RXFP1: variants seen among roughly 807,000 people sequenced by gnomAD.
RXFP1 encodes the protein relaxin family peptide receptor 1.
Under a neutral mutation model 89.8 loss-of-function variants are expected in RXFP1, and 73 were observed. The observed-to-expected ratio is 0.81, with a 90% CI of 0.67 to 0.99. The LOEUF (loss-of-function observed/expected upper bound fraction) is 0.99, where lower values mean the gene tolerates loss of function less well. Ranked by LOEUF, RXFP1 falls within the 50% of genes least tolerant of loss-of-function variation. The pLI is 0.00. For synonymous variants in RXFP1, 277 were observed against 305.5 expected (o/e 0.91, Z 0.97); for missense variants, 793 against 895.5 (o/e 0.89, Z 1.46).
chr4:158,588,833 A>G (rs1354990995), intron 2 of RXFP1, among the ~76,000 whole-genome samples: 1 of 152,158 alleles, frequency 6.6e-6, no homozygotes, highest in Non-Finnish European at 1.5e-5. Flanking sequence ...ATTTGTATGC[A>G]TTTGCTCCTC....
At chr4:158,535,771 C>T (rs545074774) in intron 1 of RXFP1, among the ~76,000 whole-genome samples, 4 of 152,292 alleles carry the variant, frequency 2.6e-5, no homozygotes, top group East Asian at 3.9e-4. Flanking sequence ...GTGATAGGAC[C>T]GGCCTTTTTG....
At chr4:158,601,951 A>G (rs1402601732) in intron 4 of RXFP1, among the ~76,000 whole-genome samples, 2 of 152,224 alleles carry the variant, frequency 1.3e-5, no homozygotes, top group Admixed American at 6.5e-5. Context: ...CTAGAACTAT[A>G]TGATCTAATA....
intron 13 of RXFP1, among the ~76,000 whole-genome samples, chr4:158,638,873 A>G (rs1473875625): frequency 6.6e-6 from 1 of 151,966 alleles, no homozygotes; most frequent in Non-Finnish European, 1.5e-5. Context: ...CAGTAAAATG[A>G]CATTTTATTA....
At chr4:158,646,322 A>G in intron 15 of RXFP1, 3 of 470,754 alleles carry the variant, frequency 6.4e-6, no homozygotes, top group South Asian at 4.6e-5. Context: ...TTCAGTCATT[A>G]TTCTATCATA....
intron 1 of RXFP1, among the ~76,000 whole-genome samples, chr4:158,567,834 G>C (rs1375638959): frequency 1.3e-5 from 2 of 152,168 alleles, no homozygotes; most frequent in African/African-American, 4.8e-5. Context: ...GATGTGGGTG[G>C]GGCCAGATAA....
chr4:158,597,789 T>C (rs937421906), intron 3 of RXFP1, among the ~76,000 whole-genome samples: 5 of 152,150 alleles, frequency 3.3e-5, no homozygotes, highest in African/African-American at 1.2e-4. Flanking sequence ...GGACCTTTCT[T>C]CCTTCCCAAC....
At chr4:158,543,121 C>G (rs553045439) in intron 1 of RXFP1, among the ~76,000 whole-genome samples, 33 of 152,290 alleles carry the variant, frequency 2.2e-4, no homozygotes, top group African/African-American at 7.5e-4. Flanking sequence ...AAGTTTAACA[C>G]ACACACACCT....
rs1253604355 is a variant in RXFP1 at position 158,653,366 on chromosome 4, T to C, written c.*1311T>C. On this transcript the variant is annotated 3_prime_UTR_variant, in exon 18 of 18. Coordinates refer to ENST00000307765, the MANE Select transcript of RXFP1 (RefSeq NM_021634.4). ...AAATAAATTATCTGAAATTTAACTA[T>C]TAAAAATGGATTGCTTCGGGGTTTT... The C allele has an allele frequency of 6.6e-6, 1 of 152,204 alleles. No homozygotes were observed. The highest frequency in any genetic ancestry group is 1.5e-5 in the Non-Finnish European group (1 of 68,032). 9.4% of individuals were successfully genotyped at this position (152,204 alleles called of 1,614,324 possible). A position where few individuals can be genotyped will look rare whatever the true frequency, so the allele number is the denominator to read the frequency against.
rs1756627463 is a variant in RXFP1, at chr4:158,578,166, T to C, written c.187+5331T>C. On this transcript the variant is annotated intron_variant, in intron 2 of 17. Coordinates refer to ENST00000307765, the MANE Select transcript of RXFP1 (RefSeq NM_021634.4). ...TTTGATCCTTACTGGTGAACTTCAG[T>C]ATAGAAATGTATAGATGTTTCCTGA... Among the ~76,000 whole-genome samples, 3 of 152,320 alleles carry C rather than the reference T, an allele frequency of 2.0e-5. No homozygotes were observed. In the East Asian group the frequency reaches 5.8e-4, roughly 29 times the overall value.
intron 9 of RXFP1, among the ~76,000 whole-genome samples, chr4:158,626,568 T>C (rs60279532): frequency 0.17 from 26,068 of 152,052 alleles, 2,803 homozygotes; most frequent in African/African-American, 0.28. Flanking sequence ...CAATTTCTCA[T>C]ATACATGCCC....
Position 158,607,960 on chromosome 4 carries a change from T to A in RXFP1, c.465-12T>A. 1 of 1,571,600 alleles carries A rather than the reference T, an allele frequency of 6.4e-7. No individual in the cohort carries two copies. The highest frequency in any genetic ancestry group is 8.7e-7 in the Non-Finnish European group (1 of 1,153,116). On this transcript the variant is annotated splice_polypyrimidine_tract_variant and intron_variant, in intron 5 of 17. Coordinates refer to ENST00000307765, the MANE Select transcript of RXFP1 (RefSeq NM_021634.4). The stretch of plus-strand genomic sequence containing the variant: ...CTTCATTTTTTTTTCTTTTTAATAA[T>A]CATTTTCACAGGTACCTGCAAAACA...
intron 17 of RXFP1, 33 bp from the exon 18 acceptor site, chr4:158,651,723 TA>T: frequency 1.3e-6 from 2 of 1,530,060 alleles, no homozygotes; most frequent in Non-Finnish European, 1.8e-6. Context: ...TAAACATCTA[TA>T]AACACTAAAA....
At chr4:158,615,065 C>T (rs1476672497) in intron 8 of RXFP1, among the ~76,000 whole-genome samples, 8 of 151,890 alleles carry the variant, frequency 5.3e-5, no homozygotes, top group African/African-American at 1.9e-4. Flanking sequence ...TCTTGAGGGC[C>T]CATAATTCTT....
chr4:158,570,477 G>A (rs1754811892), intron 1 of RXFP1, among the ~76,000 whole-genome samples: 1 of 152,124 alleles, frequency 6.6e-6, no homozygotes, highest in Admixed American at 6.5e-5. Flanking sequence ...CTCAGTGGTG[G>A]CACTGCCATG....
chr4:158,605,134 G>A lies in RXFP1; in HGVS notation c.459G>A (p.Gln153=). 6.3e-7 allele frequency: 1 copy of A among 1,578,946 alleles called. No individual in the cohort carries two copies. Among genetic ancestry groups the A allele is most frequent in the African/African-American group, 1.3e-5 (1 of 74,330 alleles). Residue 153 remains glutamine, a synonymous_variant, in exon 5 of 18, where the codon CAG becomes CAA. Coordinates refer to ENST00000307765, the MANE Select transcript of RXFP1 (RefSeq NM_021634.4). ...GCTTCAAGAATTATCATGATCTTCAGAAGCTGTAAGAAAATACTTAATTCC... is the reference window on the plus strand; with the variant it reads ...GCTTCAAGAATTATCATGATCTTCAAAAGCTGTAAGAAAATACTTAATTCC... ...PDCFKNYHDL[Q]KLYLQNNKIT...
chr4:158,596,463 T>C (rs1183396042), intron 3 of RXFP1, among the ~76,000 whole-genome samples: 1 of 152,092 alleles, frequency 6.6e-6, no homozygotes, highest in African/African-American at 2.4e-5. Context: ...TTTCTCCACG[T>C]TGGTCAGGCT....
At chr4:158,544,715 G>A (rs1456392036) in intron 1 of RXFP1, among the ~76,000 whole-genome samples, 1 of 151,554 alleles carries the variant, frequency 6.6e-6, no homozygotes, top group African/African-American at 2.4e-5. Context: ...TTTTGTCCTT[G>A]CAATAGTTTG....
intron 6 of RXFP1, 76 bp downstream of exon 6, chr4:158,608,119 T>C: frequency 1.0e-6 from 1 of 958,452 alleles, no homozygotes; most frequent in Admixed American, 2.1e-5. Context: ...CAGACCAGCC[T>C]CCCTGTCCAT....
intron 1 of RXFP1, among the ~76,000 whole-genome samples, chr4:158,539,440 C>A (rs1746065461): frequency 6.6e-6 from 1 of 151,786 alleles, no homozygotes; most frequent in Non-Finnish European, 1.5e-5. Context: ...TGTAACAAAC[C>A]TGCATGTTGT....
Sources: gnomAD v4.1 joint callset for allele counts (sites outside exome capture counted in the v4.1 genomes callset) on GRCh38, gnomAD v4.1.1 for gene constraint, MANE v1.5 for transcripts, NCBI Gene and HGNC (gene_info 2026-07-23, HGNC 2026-07-21) for gene names.